The following TRPC4AP variants were observed in gnomAD, a reference collection of about 807,000 sequenced individuals.
TRPC4AP encodes transient receptor potential cation channel subfamily C member 4 associated protein.
A neutral mutation model predicts 99.0 loss-of-function variants in TRPC4AP; 45 were observed. The ratio of observed to expected loss-of-function variants is 0.45; its 90% CI spans 0.36 to 0.58. The LOEUF is 0.58. TRPC4AP is among the 20% of genes least tolerant of loss of function. TRPC4AP has a pLI of 0.00. For synonymous variants in TRPC4AP, 408 were observed against 385.8 expected, an observed-to-expected ratio of 1.06 and a Z score of -0.67; for missense variants, 879 against 985.3, an observed-to-expected ratio of 0.89 and a Z score of 1.44.
At chr20:35,035,459 A>C (rs1259127790) in intron 7 of TRPC4AP, 151 bp from the exon 8 acceptor site, 28 of 892,858 alleles carry the variant, frequency 3.1e-5, no homozygotes, top group Admixed American at 1.2e-4. Flanking sequence ...AAACCAAGGT[A>C]AATAGTAATT....
intron 3 of TRPC4AP, among the ~76,000 whole-genome samples, chr20:35,062,041 A>G (rs2084021170): frequency 6.6e-6 from 1 of 152,238 alleles, no homozygotes; most frequent in South Asian, 2.1e-4. Flanking sequence ...CCAAAAGTCC[A>G]ATAATAAACA....
chr20:35,051,687 C>G (rs890090252), intron 5 of TRPC4AP, among the ~76,000 whole-genome samples: 1 of 148,056 alleles, frequency 6.8e-6, no homozygotes, highest in Admixed American at 6.8e-5. Context: ...ATATGTGAAA[C>G]AGGACTGACT....
At chr20:35,061,662 C>A (rs1343261716) in intron 3 of TRPC4AP, among the ~76,000 whole-genome samples, 1 of 152,110 alleles carries the variant, frequency 6.6e-6, no homozygotes, top group Non-Finnish European at 1.5e-5. Context: ...TAGTCACATG[C>A]AAAAGAATGA....
intron 7 of TRPC4AP, among the ~76,000 whole-genome samples, chr20:35,043,302 A>G (rs890080594): frequency 2.7e-5 from 4 of 149,768 alleles, no homozygotes; most frequent in South Asian, 2.1e-4. Flanking sequence ...GCTGAAGTGC[A>G]GTGGTGCAAT....
chr20:35,082,909 C>T (rs2084683492), intron 1 of TRPC4AP, among the ~76,000 whole-genome samples: 1 of 152,056 alleles, frequency 6.6e-6, no homozygotes, highest in African/African-American at 2.4e-5. Flanking sequence ...CCACAGAAAA[C>T]CCACTGCAAA....
chr20:35,024,975 T>G (rs772079764), intron 8 of TRPC4AP, among the ~76,000 whole-genome samples: 3 of 152,154 alleles, frequency 2.0e-5, no homozygotes, highest in Non-Finnish European at 2.9e-5. Context: ...TTTTCATTTC[T>G]CTTGGGTATA....
rs182209859 is a variant in TRPC4AP at position 35,036,337 on chromosome 20, C to T, written c.866-1029G>A. ...ATAAGATGGAAACAGCCAAAATGTC[C>T]GTCAAGTGGAAAAGGGGATTTAGGT... On this transcript the variant is annotated intron_variant, in intron 7 of 18. Coordinates refer to ENST00000252015, the MANE Select transcript of TRPC4AP (RefSeq NM_015638.3). 3.5e-3 allele frequency among the ~76,000 whole-genome samples: 535 copies of T among 152,236 alleles called. 11 individuals carry two copies. The highest frequency in any genetic ancestry group is 0.012 in the African/African-American group (500 of 41,536).
rs114641773 is a variant in TRPC4AP, at chr20:35,066,863, A to C, written c.414+2433T>G. Among the ~76,000 whole-genome samples the C allele has an allele frequency of 4.4e-3, 666 of 152,310 alleles. 3 individuals are homozygous for C. The highest frequency in any genetic ancestry group is 0.015 in the African/African-American group (639 of 41,578). Reference sequence around the variant, plus strand: ...AATCAAAAGCACTTACAGATCAATAAGAAAAAGGACAAATAATCAAATCGA... The same window carrying C: ...AATCAAAAGCACTTACAGATCAATACGAAAAAGGACAAATAATCAAATCGA... On this transcript the variant is annotated intron_variant, in intron 3 of 18. Coordinates refer to ENST00000252015, the MANE Select transcript of TRPC4AP (RefSeq NM_015638.3).
Position 35,069,316 on chromosome 20 carries a change from CA to C in TRPC4AP, c.393del (p.Phe131LeufsTer11). 1 of 1,603,878 alleles carries C rather than the reference CA, an allele frequency of 6.2e-7. No individual in the cohort carries two copies. The highest frequency in any genetic ancestry group is 8.5e-7 in the Non-Finnish European group (1 of 1,171,278). Reference sequence around the variant, plus strand: ...CTTACATCAACACCTCCAAACAAGTCAAAAATGTAAGTATTTGGATAAGTGG... The same window carrying C: ...CTTACATCAACACCTCCAAACAAGTCAAAATGTAAGTATTTGGATAAGTGG... ...QETTYPNTYIFDLFGGVDLLV... is the reference protein window; with the variant it reads ...QETTYPNTYIXDLFGGVDLLV... On this transcript the variant is annotated frameshift_variant, in exon 3 of 19. Transcript: ENST00000252015. LOFTEE classifies it high-confidence loss of function.
intron 3 of TRPC4AP, among the ~76,000 whole-genome samples, chr20:35,058,586 A>G (rs542920712): frequency 5.8e-4 from 89 of 152,342 alleles, no homozygotes; most frequent in Non-Finnish European, 1.1e-3. Flanking sequence ...GGGGAAGTAT[A>G]AAGTATCCAA....
At position 35,007,656 on chromosome 20, in the gene TRPC4AP, T is replaced by C. The variant is rs1411557170; in HGVS notation, c.1596-16A>G. 1.2e-6 allele frequency: 2 copies of C among 1,613,858 alleles called. No homozygotes were observed. The highest frequency in any genetic ancestry group is 1.7e-6 in the Non-Finnish European group (2 of 1,179,830). On this transcript the variant is annotated splice_polypyrimidine_tract_variant and intron_variant, in intron 13 of 18. Coordinates refer to ENST00000252015, the MANE Select transcript of TRPC4AP (RefSeq NM_015638.3). ...TTGCCAAAACCTGCGACCCAAATAC[T>C]GGCTCAGGTGGCTAAGGCTGCCCTC... is the stretch of plus-strand genomic sequence containing the variant.
rs1462881189 is a variant in TRPC4AP at position 35,069,165 on chromosome 20, G to C, written c.414+131C>G. 10 of 624,270 alleles carry C rather than the reference G, an allele frequency of 1.6e-5. No individual in the cohort carries two copies. In the Admixed American group the frequency reaches 2.6e-4, roughly 16 times the overall value. 38.7% of individuals were successfully genotyped at this position (624,270 alleles called of 1,614,324 possible). On this transcript the variant is annotated intron_variant, in intron 3 of 18. Transcript: ENST00000252015. The stretch of plus-strand genomic sequence containing the variant: ...TATGCTGCTTCAACATGTAAATGCC[G>C]CTAAGCTTCTAAAAGTTAAAATCTG...
At chr20:35,050,114 A>C (rs2083659160) in intron 5 of TRPC4AP, 120 bp from the exon 6 acceptor site, 1 of 1,095,980 alleles carries the variant, frequency 9.1e-7, no homozygotes, top group African/African-American at 1.6e-5. Flanking sequence ...TGAGTCAACA[A>C]AACAGGAATG....
intron 7 of TRPC4AP, among the ~76,000 whole-genome samples, chr20:35,042,105 A>C (rs1359884556): frequency 6.6e-6 from 1 of 152,198 alleles, no homozygotes; most frequent in Non-Finnish European, 1.5e-5. Flanking sequence ...TTGGAAAGTC[A>C]CATATTTTTT....
At chr20:35,022,347 G>C (rs2082911096) in intron 8 of TRPC4AP, among the ~76,000 whole-genome samples, 1 of 152,134 alleles carries the variant, frequency 6.6e-6, no homozygotes, top group African/African-American at 2.4e-5. Flanking sequence ...GTAGACATGG[G>C]GTTTCACCAT....
Position 35,003,183 on chromosome 20 carries a change from G to A in TRPC4AP, c.2357C>T (p.Pro786Leu). ...PSALVSYIEEPYMDIDRDFTE... is the reference protein window; with the variant it reads ...PSALVSYIEELYMDIDRDFTE... ...GAAGTCCCTGTCTATGTCCATGTAG[G>A]GCTCCTCAATGTAGCTAACGAGAGC... Residue 786 changes from proline (P) to leucine (L), a missense_variant, in exon 19 of 19, where the codon CCC (proline) becomes CTC (leucine). Pro to Leu is a moderately conservative substitution (Grantham distance 98). Around this residue, in one of 3 missense-constraint regions of TRPC4AP, gnomAD observed 224 missense variants for 264.7 expected, o/e 0.85. Coordinates refer to ENST00000252015, the MANE Select transcript of TRPC4AP (RefSeq NM_015638.3). 1 of 1,614,206 alleles carries A rather than the reference G, an allele frequency of 6.2e-7. No individual in the cohort carries two copies. The highest frequency in any genetic ancestry group is 8.5e-7 in the Non-Finnish European group (1 of 1,180,024).
Position 35,022,301 on chromosome 20 carries a change from A to G in TRPC4AP, c.1052-945T>C, listed in dbSNP as rs373666760. On this transcript the variant is annotated intron_variant, in intron 8 of 18. Coordinates refer to ENST00000252015, the MANE Select transcript of TRPC4AP (RefSeq NM_015638.3). ...CTCCCGAGTAGCTGGGACTACAGGCATGTGCCACCACGCCCAGCTAATTTT... is the reference window on the plus strand; with the variant it reads ...CTCCCGAGTAGCTGGGACTACAGGCGTGTGCCACCACGCCCAGCTAATTTT... Among the ~76,000 whole-genome samples, 19 of 152,262 alleles carry G rather than the reference A, an allele frequency of 1.2e-4. No homozygotes were observed. The East Asian group carries it at 1.5e-3, about 12-fold the overall frequency.
chr20:35,003,630 G>T lies in TRPC4AP; in HGVS notation c.2050-14C>A. The T allele has an allele frequency of 6.2e-7, 1 of 1,610,350 alleles. No homozygotes were observed. The highest frequency in any genetic ancestry group is 1.7e-5 in the Admixed American group (1 of 59,572). On this transcript the variant is annotated splice_polypyrimidine_tract_variant and intron_variant, in intron 17 of 18. Coordinates refer to ENST00000252015, the MANE Select transcript of TRPC4AP (RefSeq NM_015638.3). Reference sequence around the variant, plus strand: ...GCTGACGTTCTCCTGCAAGGCCACAGGCCCACAGGGTCAGGGGCTGGTGGG... The same window carrying T: ...GCTGACGTTCTCCTGCAAGGCCACATGCCCACAGGGTCAGGGGCTGGTGGG...
At chr20:35,073,612 G>C (rs543873161) in intron 2 of TRPC4AP, among the ~76,000 whole-genome samples, 1 of 152,302 alleles carries the variant, frequency 6.6e-6, no homozygotes, top group Admixed American at 6.5e-5. Flanking sequence ...TTGTATCCCA[G>C]GGATGAAGCC....
Sources: allele counts gnomAD v4.1 joint callset (sites outside exome capture counted in the v4.1 genomes callset), GRCh38; gene constraint gnomAD v4.1.1; regional missense constraint gnomAD v4.1.1; transcripts MANE v1.5; gene names NCBI Gene and HGNC (gene_info 2026-07-23, HGNC 2026-07-21).